USP12: variants seen among roughly 807,000 people sequenced by gnomAD.
USP12 encodes the protein ubiquitin carboxyl-terminal hydrolase 12.
A neutral mutation model predicts 45.5 loss-of-function variants in USP12; 19 were observed. That is an observed-to-expected ratio of 0.42 (90% CI 0.29 to 0.61). USP12 has a LOEUF of 0.61. USP12 is among the 20% of genes least tolerant of loss of function. The pLI is 0.22. For synonymous variants in USP12, 149 were observed against 148.8 expected, an observed-to-expected ratio of 1.00 and a Z score of -0.01; for missense variants, 242 against 447.7, an observed-to-expected ratio of 0.54 and a Z score of 4.15.
chr13:27,140,781 A>G (rs1336306028), intron 1 of USP12, among the ~76,000 whole-genome samples: 2 of 152,116 alleles, frequency 1.3e-5, no homozygotes, highest in African/African-American at 4.8e-5. Context: ...AAATTGCAAA[A>G]TATTCATTTG....
At chr13:27,075,085 C>A in intron 7 of USP12, 106 bp downstream of exon 7, 1 of 1,030,442 alleles carries the variant, frequency 9.7e-7, no homozygotes, top group South Asian at 2.5e-5. Context: ...TGAGAGAATA[C>A]AGAATTTCTA....
chr13:27,072,115 T>TA (rs200088270), intron 7 of USP12, among the ~76,000 whole-genome samples: 2,406 of 150,700 alleles, frequency 0.016, 34 homozygotes, highest in Middle Eastern at 0.037. Flanking sequence ...TTTTTTTTTT[T>TA]AACTATGGAG....
rs776214314 is a variant in USP12 at position 27,105,777 on chromosome 13, T to C, written c.297A>G (p.Gly99=). 1 of 1,613,694 alleles carries C rather than the reference T, an allele frequency of 6.2e-7. No individual in the cohort carries two copies. Among genetic ancestry groups the C allele is most frequent in the African/African-American group, 1.3e-5 (1 of 74,918 alleles). The change falls in exon 3 of 9, where the codon GGA becomes GGG. Residue 99 remains glycine, a synonymous_variant. Coordinates refer to ENST00000282344, the MANE Select transcript of USP12 (RefSeq NM_182488.4). ...TGATGAACTTCTTAGGGGGTATTAC[T>C]CCAACCTTTTTCTTCTGAGTGGCTA... is the stretch of plus-strand genomic sequence containing the variant. The part of the protein sequence containing the change: ...HSIATQKKKV[G]VIPPKKFITR...
At chr13:27,081,664 C>T (rs1873765334) in intron 6 of USP12, among the ~76,000 whole-genome samples, 1 of 152,144 alleles carries the variant, frequency 6.6e-6, no homozygotes, top group African/African-American at 2.4e-5. Flanking sequence ...TGCTCAGATC[C>T]ATCAGAGGAA....
At chr13:27,163,337 C>A (rs1878198430) in intron 1 of USP12, among the ~76,000 whole-genome samples, 2 of 152,144 alleles carry the variant, frequency 1.3e-5, no homozygotes, top group African/African-American at 4.8e-5. Flanking sequence ...GCCAAACCAC[C>A]TACAGAGCCT....
At chr13:27,148,896 A>G (rs1242688495) in intron 1 of USP12, among the ~76,000 whole-genome samples, 3 of 151,828 alleles carry the variant, frequency 2.0e-5, no homozygotes, top group Non-Finnish European at 4.4e-5. Context: ...TAAAAATTGT[A>G]TTTATGGGCC....
intron 1 of USP12, among the ~76,000 whole-genome samples, chr13:27,138,358 A>T (rs1344015550): frequency 2.0e-5 from 3 of 152,238 alleles, no homozygotes; most frequent in Admixed American, 2.0e-4. Flanking sequence ...AGTCTATTAA[A>T]GGCCTGAAAA....
intron 1 of USP12, among the ~76,000 whole-genome samples, chr13:27,147,129 C>T (rs1877342122): frequency 6.6e-6 from 1 of 152,120 alleles, no homozygotes; most frequent in Admixed American, 6.6e-5. Flanking sequence ...CTGTTTAAGC[C>T]ATTCAATTTA....
intron 1 of USP12, chr13:27,117,628 T>TGTGTGTGTG: frequency 5.7e-6 from 2 of 350,174 alleles, no homozygotes; most frequent in Non-Finnish European, 5.9e-6. Context: ...TGTGTGTGTG[T>TGTGTGTGTG]TTAATAGCAC....
chr13:27,161,900 AAAAAAAATT>A (rs2137843939), intron 1 of USP12, among the ~76,000 whole-genome samples: 1 of 50,082 alleles, frequency 2.0e-5, no homozygotes, highest in South Asian at 2.6e-3. Flanking sequence ...AAAAAAAATA[AAAAAAAATT>A]AAAAAGCCAC....
chr13:27,122,264 G>C (rs142282572), intron 1 of USP12, among the ~76,000 whole-genome samples: 201 of 152,162 alleles, frequency 1.3e-3, no homozygotes, highest in East Asian at 1.5e-3. Context: ...TACTGTTCTC[G>C]TGGTAGTGAA....
Position 27,119,528 on chromosome 13 carries a change from T to C in USP12, c.49-2932A>G, listed in dbSNP as rs1005179763. Among the ~76,000 whole-genome samples the C allele has an allele frequency of 3.3e-5, 5 of 152,220 alleles. No individual in the cohort carries two copies. In the East Asian group the frequency reaches 9.6e-4, roughly 29 times the overall value. On this transcript the variant is annotated intron_variant, in intron 1 of 8. Coordinates refer to ENST00000282344, the MANE Select transcript of USP12 (RefSeq NM_182488.4). ...AAACTCCCAGTTCCAAATTTATCTG[T>C]TGGGTTTTCAAGTAAGGCTTTACAT...
At chr13:27,146,164 G>C (rs1877298154) in intron 1 of USP12, among the ~76,000 whole-genome samples, 1 of 152,168 alleles carries the variant, frequency 6.6e-6, no homozygotes, top group Admixed American at 6.5e-5. Context: ...CACTTTGGGA[G>C]GATAAGGTAG....
Position 27,075,256 on chromosome 13 carries a change from A to G in USP12, c.867T>C (p.Thr289=), listed in dbSNP as rs766109391. The G allele has an allele frequency of 2.3e-5, 37 of 1,613,910 alleles. No individual in the cohort carries two copies. The South Asian group carries it at 3.3e-4, about 14-fold the overall frequency. The change falls in exon 7 of 9, where the codon ACT becomes ACC. Residue 289 remains threonine, a synonymous_variant. Coordinates refer to ENST00000282344, the MANE Select transcript of USP12 (RefSeq NM_182488.4). ...VFPLELRLFN[T]SGDATNPDRM... ...TGTCTGGATTGGTGGCATCACCTGAAGTGTTAAACAGACGAAGTTCTAAAG... is the reference window on the plus strand; with the variant it reads ...TGTCTGGATTGGTGGCATCACCTGAGGTGTTAAACAGACGAAGTTCTAAAG...
chr13:27,113,996 A>G (rs1875591475), intron 2 of USP12, among the ~76,000 whole-genome samples: 1 of 152,244 alleles, frequency 6.6e-6, no homozygotes, highest in African/African-American at 2.4e-5. Context: ...TTTTTATATG[A>G]CAGATTAGAA....
At chr13:27,170,777 C>G (rs533488969) in intron 1 of USP12, among the ~76,000 whole-genome samples, 1 of 152,344 alleles carries the variant, frequency 6.6e-6, no homozygotes, top group South Asian at 2.1e-4. Flanking sequence ...GTCTGGTGGG[C>G]TGAAGTAAAC....
chr13:27,155,998 A>G (rs1298455683), intron 1 of USP12, among the ~76,000 whole-genome samples: 1 of 152,222 alleles, frequency 6.6e-6, no homozygotes, highest in Non-Finnish European at 1.5e-5. Context: ...GAAGCAGTTA[A>G]AACTGTATTC....
intron 6 of USP12, among the ~76,000 whole-genome samples, chr13:27,085,939 G>A (rs1429540653): frequency 1.3e-5 from 2 of 151,912 alleles, no homozygotes; most frequent in African/African-American, 4.8e-5. Context: ...GCTGAGGCAG[G>A]AGGACTGCTT....
At chr13:27,122,412 A>G (rs1384134000) in intron 1 of USP12, among the ~76,000 whole-genome samples, 1 of 152,188 alleles carries the variant, frequency 6.6e-6, no homozygotes, top group African/African-American at 2.4e-5. Flanking sequence ...AAGTCCAACT[A>G]AAACTCTTTT....
Sources: gnomAD v4.1 joint callset for allele counts (sites outside exome capture counted in the v4.1 genomes callset) on GRCh38, gnomAD v4.1.1 for gene constraint, MANE v1.5 for transcripts, NCBI Gene and HGNC (gene_info 2026-07-23, HGNC 2026-07-21) for gene names.